LRCH3: variants seen among roughly 807,000 people sequenced by gnomAD.
LRCH3 encodes the protein leucine rich repeats and calponin homology domain containing 3, also known as DISP complex protein LRCH3.
In LRCH3, 68 loss-of-function variants were observed where a neutral mutation model predicts 104.5. The ratio of observed to expected loss-of-function variants is 0.65; its 90% confidence interval spans 0.54 to 0.80. The LOEUF (loss-of-function observed/expected upper bound fraction) is 0.80. Ranked by LOEUF, LRCH3 falls within the 30% of genes least tolerant of loss-of-function variation. The pLI, the probability that LRCH3 is intolerant of heterozygous loss-of-function variation, is 0.00. For synonymous variants in LRCH3, 344 were observed against 361.3 expected, an observed-to-expected ratio of 0.95 and a Z score of 0.54; for missense variants, 951 against 953.9, an observed-to-expected ratio of 1.00 and a Z score of 0.04.
chr3:197,846,447 A>T (rs901670132), intron 10 of LRCH3, among the ~76,000 whole-genome samples: 1 of 151,080 alleles, frequency 6.6e-6, no homozygotes, highest in Non-Finnish European at 1.5e-5. Context: ...CTGTAATCCA[A>T]TTACTTTAGG....
At chr3:197,880,897 T>A in intron 20 of LRCH3, 1 of 1,429,914 alleles carries the variant, frequency 7.0e-7, no homozygotes, top group Non-Finnish European at 9.1e-7. Context: ...TTAGTAAACA[T>A]TTACGATTGC....
At chr3:197,815,605 C>T (rs935575585) in intron 2 of LRCH3, among the ~76,000 whole-genome samples, 1 of 152,182 alleles carries the variant, frequency 6.6e-6, no homozygotes, top group Admixed American at 6.5e-5. Flanking sequence ...TTGCAGCAGT[C>T]TTGTAGCAGT....
rs77413774 is a variant in LRCH3, at chr3:197,825,267, C to G, written c.641-1611C>G. ...GAAATTTTATGTTAATGTGCCATAG[C>G]ATGAGTTGTTTTAATTTAATGTGCT... On this transcript the variant is annotated intron_variant, in intron 4 of 20. Coordinates refer to ENST00000425562, the MANE Select transcript of LRCH3 (RefSeq NM_001365715.1). Among the ~76,000 whole-genome samples, 76 of 151,626 alleles carry G rather than the reference C, an allele frequency of 5.0e-4. No homozygotes were observed. The East Asian group carries it at 0.014, about 27-fold the overall frequency.
intron 14 of LRCH3, among the ~76,000 whole-genome samples, chr3:197,855,900 G>A (rs1009092461): frequency 1.3e-5 from 2 of 152,114 alleles, no homozygotes; most frequent in African/African-American, 4.8e-5. Context: ...AAAAAGAGTC[G>A]TATTTTAAAT....
At chr3:197,829,713 A>G (rs766772265) in intron 6 of LRCH3, 40 bp downstream of exon 6, 3 of 1,385,942 alleles carry the variant, frequency 2.2e-6, no homozygotes, top group Non-Finnish European at 3.0e-6. Flanking sequence ...TATTTTTTGT[A>G]CAGAGAATCA....
At chr3:197,798,449 C>A (rs1334281306) in intron 1 of LRCH3, among the ~76,000 whole-genome samples, 1 of 152,134 alleles carries the variant, frequency 6.6e-6, no homozygotes, top group East Asian at 1.9e-4. Flanking sequence ...GTAAAGCCTA[C>A]AGGTGAGAGC....
At chr3:197,826,254 C>T (rs1735189891) in intron 4 of LRCH3, among the ~76,000 whole-genome samples, 1 of 152,174 alleles carries the variant, frequency 6.6e-6, no homozygotes, top group African/African-American at 2.4e-5. Context: ...GAGAAAGAAG[C>T]TCCATTTCTT....
intron 1 of LRCH3, among the ~76,000 whole-genome samples, chr3:197,795,503 A>T (rs1731089398): frequency 6.6e-6 from 1 of 152,002 alleles, no homozygotes; most frequent in African/African-American, 2.4e-5. Context: ...TTGCTGAGAC[A>T]ATAGGATGTT....
intron 19 of LRCH3, 107 bp downstream of exon 19, chr3:197,871,569 A>G (rs780718805): frequency 4.8e-4 from 702 of 1,460,506 alleles, no homozygotes; most frequent in Non-Finnish European, 5.2e-4. Flanking sequence ...TACAGATATA[A>G]AGAGTCCAGT....
chr3:197,854,472 TC>T lies in LRCH3; in HGVS notation c.1644+28del, dbSNP rs1225359928. 18 of 1,607,568 alleles carry T rather than the reference TC, an allele frequency of 1.1e-5. No homozygotes were observed. The highest frequency in any genetic ancestry group is 1.7e-5 in the Admixed American group (1 of 59,988). On this transcript the variant is annotated intron_variant, in intron 14 of 20. Coordinates refer to ENST00000425562, the MANE Select transcript of LRCH3 (RefSeq NM_001365715.1). The surrounding 1 kb of genome is among the most constrained non-coding windows in gnomAD (Gnocchi z 4.5). ...TAAGAGTTTTGCACAAAACGGAGTT[TC>T]GCATTTCTGTGTTTAGAGATTGTAC...
At chr3:197,850,177 A>G (rs1739371542) in intron 12 of LRCH3, among the ~76,000 whole-genome samples, 1 of 152,112 alleles carries the variant, frequency 6.6e-6, no homozygotes, top group Non-Finnish European at 1.5e-5. Flanking sequence ...TGCAGGAAAC[A>G]CCAGCTGGCC....
intron 9 of LRCH3, among the ~76,000 whole-genome samples, chr3:197,837,340 T>TAA (rs542524615): frequency 6.6e-6 from 1 of 152,166 alleles, no homozygotes; most frequent in African/African-American, 2.4e-5. Context: ...TATACTACTA[T>TAA]AAAAAAATAG....
intron 20 of LRCH3, among the ~76,000 whole-genome samples, chr3:197,879,959 T>TTTG (rs1560064034): frequency 2.0e-5 from 3 of 150,342 alleles, no homozygotes; most frequent in African/African-American, 5.0e-5. Context: ...TTTTTTTTTT[T>TTTG]TTTTGAGACG....
At chr3:197,879,231 C>A (rs1282614949) in intron 20 of LRCH3, among the ~76,000 whole-genome samples, 2 of 152,088 alleles carry the variant, frequency 1.3e-5, no homozygotes, top group Non-Finnish European at 2.9e-5. Flanking sequence ...GTTGTCAAGT[C>A]CATTCTTGTA....
intron 1 of LRCH3, among the ~76,000 whole-genome samples, chr3:197,812,083 C>T (rs190629395): frequency 1.2e-4 from 19 of 152,188 alleles, no homozygotes; most frequent in Non-Finnish European, 2.5e-4. Flanking sequence ...TATTAAGTAC[C>T]TTCATACTGT....
At chr3:197,792,346 C>A (rs1455947012) in intron 1 of LRCH3, among the ~76,000 whole-genome samples, 3 of 150,800 alleles carry the variant, frequency 2.0e-5, no homozygotes, top group African/African-American at 7.3e-5. Flanking sequence ...TAAAGCATTA[C>A]TTCGTGTTAT....
chr3:197,861,822 T>C (rs558914004), intron 15 of LRCH3, among the ~76,000 whole-genome samples: 13 of 152,148 alleles, frequency 8.5e-5, no homozygotes, highest in South Asian at 2.1e-4. Flanking sequence ...TTCCCAAATG[T>C]AGTTAATGGC....
Position 197,845,406 on chromosome 3 carries a change from C to CAAA in LRCH3, c.1329-1989_1329-1987dup, listed in dbSNP as rs370414681. On this transcript the variant is annotated intron_variant, in intron 10 of 20. Transcript: ENST00000425562. ...ACAACAGAGTGAGATGAGACTCTGTCAAAAAAAAAAAAAAAAGAAAGAAAG... is the reference window on the plus strand; with the variant it reads ...ACAACAGAGTGAGATGAGACTCTGTCAAAAAAAAAAAAAAAAAAAGAAAGAAAG... 2.5e-3 allele frequency among the ~76,000 whole-genome samples: 213 copies of CAAA among 85,830 alleles called. 2 individuals carry two copies. Among genetic ancestry groups the CAAA allele is most frequent in the African/African-American group, 7.7e-3 (199 of 25,862 alleles). 56.3% of individuals were successfully genotyped at this position (85,830 alleles called of 152,430 possible). A position where few individuals can be genotyped will look rare whatever the true frequency, so the allele number is the denominator to read the frequency against.
chr3:197,879,449 AT>A (rs1713321703), intron 20 of LRCH3, among the ~76,000 whole-genome samples: 1 of 151,302 alleles, frequency 6.6e-6, no homozygotes, highest in South Asian at 2.1e-4. Flanking sequence ...GATCGAGACC[AT>A]CCTGGCTAAC....
Sources: gnomAD v4.1 joint callset for allele counts (sites outside exome capture counted in the v4.1 genomes callset) on GRCh38, gnomAD v4.1.1 for gene constraint, Gnocchi (gnomAD v3.1) non-coding constraint, MANE v1.5 for transcripts, NCBI Gene and HGNC (gene_info 2026-07-23, HGNC 2026-07-21) for gene names.